SLC2A13: variants seen among roughly 807,000 people sequenced by gnomAD.
SLC2A13 encodes the protein proton myo-inositol cotransporter.
SLC2A13 carries 32 observed loss-of-function variants against 64.4 expected under a neutral mutation model. The ratio of observed to expected loss-of-function variants is 0.50; its 90% CI spans 0.37 to 0.67. The LOEUF (loss-of-function observed/expected upper bound fraction) is 0.67, where lower values mean the gene tolerates loss of function less well. Among genes scored for constraint, SLC2A13 ranks in the 30% least tolerant of loss-of-function variants. The pLI, the probability that SLC2A13 is intolerant of heterozygous loss-of-function variation, is 0.00. For missense variants in SLC2A13, 743 were observed against 829.2 expected (o/e 0.90, Z 1.28); for synonymous variants, 338 against 327.1 (o/e 1.03, Z -0.36).
At chr12:39,871,011 T>A (rs1373934989) in intron 5 of SLC2A13, among the ~76,000 whole-genome samples, 2 of 152,124 alleles carry the variant, frequency 1.3e-5, no homozygotes, top group Non-Finnish European at 2.9e-5. Context: ...GCATTCTCAC[T>A]CCAAATAAAC....
chr12:39,779,722 ACTGT>A (rs1402871285), intron 7 of SLC2A13, among the ~76,000 whole-genome samples: 6 of 152,210 alleles, frequency 3.9e-5, no homozygotes, highest in African/African-American at 1.4e-4. Context: ...TTAAAACGTG[ACTGT>A]CTGTGATGGT....
At chr12:39,889,692 C>G (rs1944555207) in intron 4 of SLC2A13, among the ~76,000 whole-genome samples, 1 of 151,808 alleles carries the variant, frequency 6.6e-6, no homozygotes, top group Non-Finnish European at 1.5e-5. Flanking sequence ...ACCACCACGC[C>G]CGGCTAATTT....
chr12:40,102,847 T>A (rs1458222572), intron 1 of SLC2A13, among the ~76,000 whole-genome samples: 1 of 152,244 alleles, frequency 6.6e-6, no homozygotes, highest in Non-Finnish European at 1.5e-5. Context: ...TGATTTTATG[T>A]GTATAATTAC....
chr12:39,870,744 C>T (rs551903713), intron 5 of SLC2A13, among the ~76,000 whole-genome samples: 1 of 152,158 alleles, frequency 6.6e-6, no homozygotes, highest in Non-Finnish European at 1.5e-5. Context: ...TGCAGTTCAG[C>T]ACACATTATT....
intron 6 of SLC2A13, among the ~76,000 whole-genome samples, chr12:39,860,821 T>C (rs1455932157): frequency 1.3e-5 from 2 of 152,170 alleles, no homozygotes; most frequent in African/African-American, 4.8e-5. Context: ...ATCTCTCTCA[T>C]AGACAACTGT....
At chr12:39,840,767 G>T (rs1274687409) in intron 6 of SLC2A13, among the ~76,000 whole-genome samples, 1 of 151,978 alleles carries the variant, frequency 6.6e-6, no homozygotes, top group Non-Finnish European at 1.5e-5. Flanking sequence ...TGCTGTGTTT[G>T]CTTTCCCTTA....
chr12:39,948,431 A>C (rs1233247682), intron 4 of SLC2A13, among the ~76,000 whole-genome samples: 1 of 152,180 alleles, frequency 6.6e-6, no homozygotes, highest in African/African-American at 2.4e-5. Flanking sequence ...TATTTTGTCA[A>C]ATGTGACAGA....
In SLC2A13 at chr12:39,760,018, G is replaced by C; in HGVS notation, c.*8C>G. 6.2e-7 allele frequency: 1 copy of C among 1,604,044 alleles called. No homozygotes were observed. Among genetic ancestry groups the C allele is most frequent in the Non-Finnish European group, 8.5e-7 (1 of 1,171,868 alleles). ...GTTTAAATAACTAAATATATGAGCA[G>C]CTGAAAATTATTCCACATCAGAAGC... On this transcript the variant is annotated 3_prime_UTR_variant, in exon 10 of 10. Coordinates refer to ENST00000280871, the MANE Select transcript of SLC2A13 (RefSeq NM_052885.4).
At chr12:39,790,790 G>A (rs1308399497) in intron 7 of SLC2A13, among the ~76,000 whole-genome samples, 5 of 58,256 alleles carry the variant, frequency 8.6e-5, no homozygotes, top group Non-Finnish European at 1.4e-4. Flanking sequence ...CTGAGGAATC[G>A]CCACACTGAC....
chr12:39,845,188 A>G (rs1943273742), intron 6 of SLC2A13, among the ~76,000 whole-genome samples: 1 of 151,962 alleles, frequency 6.6e-6, no homozygotes. Context: ...GATATAAAAT[A>G]TAGGTTAGGT....
At chr12:39,900,912 G>A (rs1267056535) in intron 4 of SLC2A13, among the ~76,000 whole-genome samples, 11 of 152,156 alleles carry the variant, frequency 7.2e-5, no homozygotes, top group Non-Finnish European at 1.0e-4. Flanking sequence ...CAAAGCTGGA[G>A]GCATCACGCT....
At chr12:39,960,258 T>G (rs867886321) in intron 3 of SLC2A13, among the ~76,000 whole-genome samples, 3 of 152,266 alleles carry the variant, frequency 2.0e-5, no homozygotes, top group African/African-American at 7.2e-5. Context: ...CACTTGTATG[T>G]TAATTTTATA....
intron 5 of SLC2A13, among the ~76,000 whole-genome samples, chr12:39,868,428 C>G (rs375579035): frequency 7.5e-4 from 114 of 152,316 alleles, no homozygotes; most frequent in Admixed American, 1.9e-3. Flanking sequence ...TCCCATGACT[C>G]TACCAGAGCA....
At chr12:39,834,896 G>C (rs1198999501) in intron 6 of SLC2A13, among the ~76,000 whole-genome samples, 1 of 152,046 alleles carries the variant, frequency 6.6e-6, no homozygotes, top group East Asian at 1.9e-4. Context: ...TCTGCTAATT[G>C]ACCTTTTACA....
Position 40,105,150 on chromosome 12 carries a change from G to T in SLC2A13, c.556+103C>A. On this transcript the variant is annotated intron_variant, in intron 1 of 9. Coordinates refer to ENST00000280871, the MANE Select transcript of SLC2A13 (RefSeq NM_052885.4). The surrounding 1 kb of genome is among the most constrained non-coding windows in gnomAD (Gnocchi z 4.2). ...GAGAAGTGGAGGATTCTCTGACCCT[G>T]GGAGACCAGACGGGGACCCCGATGG... is the stretch of plus-strand genomic sequence containing the variant. 3.5e-6 allele frequency: 5 copies of T among 1,416,488 alleles called. No individual in the cohort carries two copies. Among genetic ancestry groups the T allele is most frequent in the Non-Finnish European group, 3.7e-6 (4 of 1,091,922 alleles). 87.7% of individuals were successfully genotyped at this position (1,416,488 alleles called of 1,614,324 possible).
chr12:39,970,428 G>A (rs1022600117), intron 3 of SLC2A13, among the ~76,000 whole-genome samples: 11 of 152,040 alleles, frequency 7.2e-5, no homozygotes, highest in South Asian at 2.1e-4. Flanking sequence ...TGGTCTCTTC[G>A]CATTTCATAT....
intron 1 of SLC2A13, among the ~76,000 whole-genome samples, chr12:40,057,196 T>G (rs926462764): frequency 2.0e-5 from 3 of 152,114 alleles, no homozygotes; most frequent in African/African-American, 7.2e-5. Flanking sequence ...CTGTGTGAAG[T>G]CTGAATCAGA....
intron 4 of SLC2A13, among the ~76,000 whole-genome samples, chr12:39,898,494 C>T (rs934758668): frequency 8.9e-6 from 1 of 112,558 alleles, no homozygotes; most frequent in Non-Finnish European, 2.1e-5. Flanking sequence ...CTATAGTAGC[C>T]ACGCTTTTCC....
intron 7 of SLC2A13, among the ~76,000 whole-genome samples, chr12:39,797,028 A>T (rs955331644): frequency 1.3e-5 from 2 of 152,212 alleles, no homozygotes; most frequent in African/African-American, 4.8e-5. Context: ...TGGTTATTTT[A>T]AAAAACTTAT....
Sources: allele counts gnomAD v4.1 joint callset (sites outside exome capture counted in the v4.1 genomes callset), GRCh38; gene constraint gnomAD v4.1.1; non-coding constraint Gnocchi (gnomAD v3.1); transcripts MANE v1.5; gene names NCBI Gene and HGNC (gene_info 2026-07-23, HGNC 2026-07-21).